ALDH1A3: variants seen among roughly 807,000 people sequenced by gnomAD.
ALDH1A3 encodes retinaldehyde dehydrogenase 3.
A neutral mutation model predicts 57.5 loss-of-function variants in ALDH1A3; 28 were observed. The ratio of observed to expected loss-of-function variants is 0.49; its 90% CI spans 0.36 to 0.67. The LOEUF is 0.67. ALDH1A3 is among the 30% of genes least tolerant of loss of function. The pLI is 0.00. For synonymous variants in ALDH1A3, 281 were observed against 264.8 expected, an observed-to-expected ratio of 1.06 and a Z score of -0.59; for missense variants, 507 against 669.4, an observed-to-expected ratio of 0.76 and a Z score of 2.68.
intron 8 of ALDH1A3, among the ~76,000 whole-genome samples, chr15:100,900,121 A>G (rs74584720): frequency 0.01 from 1,576 of 152,340 alleles, 94 homozygotes; most frequent in Admixed American, 0.083. Flanking sequence ...CACACATGAT[A>G]TTATCTTACT....
Position 100,889,793 on chromosome 15 carries a change from C to T in ALDH1A3, c.345+2081C>T, listed in dbSNP as rs2041631279. ...ATGCAAACCCAGCAAATCACTTCTG[C>T]CACTGGCACCTCGCAGCCCACGAGA... On this transcript the variant is annotated intron_variant, in intron 3 of 12. Transcript: ENST00000329841. The surrounding 1 kb of genome is among the most constrained non-coding windows in gnomAD (Gnocchi z 5.1). Among the ~76,000 whole-genome samples, 1 of 152,248 alleles carries T rather than the reference C, an allele frequency of 6.6e-6. No homozygotes were observed. The highest frequency in any genetic ancestry group is 2.1e-4 in the South Asian group (1 of 4,836).
At position 100,889,686 on chromosome 15, in the gene ALDH1A3, C is replaced by T. The variant is rs2041630124; in HGVS notation, c.345+1974C>T. On this transcript the variant is annotated intron_variant, in intron 3 of 12. Transcript: ENST00000329841. The surrounding 1 kb of genome is among the most constrained non-coding windows in gnomAD (Gnocchi z 5.1). ...AGTATCATCTTAGGAGCAGAGGCTA[C>T]AAAGCCACCTTCATCTTCAGGCTGC... is the stretch of plus-strand genomic sequence containing the variant. 6.6e-6 allele frequency among the ~76,000 whole-genome samples: 1 copy of T among 152,226 alleles called. No homozygotes were observed. Among genetic ancestry groups the T allele is most frequent in the African/African-American group, 2.4e-5 (1 of 41,450 alleles).
intron 3 of ALDH1A3, among the ~76,000 whole-genome samples, chr15:100,888,105 A>G (rs979706002): frequency 6.6e-6 from 1 of 151,344 alleles, no homozygotes; most frequent in African/African-American, 2.4e-5. Context: ...ATTTTATTTT[A>G]TTTATTTTTT....
Position 100,898,076 on chromosome 15 carries a change from C to G in ALDH1A3, c.781-7C>G. The G allele has an allele frequency of 6.2e-7, 1 of 1,613,206 alleles. No individual in the cohort carries two copies. The highest frequency in any genetic ancestry group is 1.1e-5 in the South Asian group (1 of 90,962). On this transcript the variant is annotated splice_polypyrimidine_tract_variant and splice_region_variant and intron_variant, in intron 7 of 12. Transcript: ENST00000329841. Reference sequence around the variant, plus strand: ...AGGTAAATTGTGATCTGTGTTCTGTCCTGGAGGTTGGAAAACTGGTTAAAG... The same window carrying G: ...AGGTAAATTGTGATCTGTGTTCTGTGCTGGAGGTTGGAAAACTGGTTAAAG...
intron 6 of ALDH1A3, chr15:100,895,559 C>G: frequency 4.3e-6 from 1 of 234,176 alleles, no homozygotes; most frequent in Non-Finnish European, 8.5e-6. Context: ...CTCCCCTTAA[C>G]GCATACACAC....
Position 100,905,627 on chromosome 15 carries a change from C to T in ALDH1A3, c.1173C>T (p.Leu391=). ...GCTCAGCCATGGAAGACAAGGGGCT[C>T]TTCATCAAACCCACTGTCTTCTCAG... ...CGGSAMEDKG[L]FIKPTVFSEV... Residue 391 remains leucine (L), a synonymous_variant, in exon 10 of 13, where the codon CTC becomes CTT. Coordinates refer to ENST00000329841, the MANE Select transcript of ALDH1A3 (RefSeq NM_000693.4). 6.2e-7 allele frequency: 1 copy of T among 1,612,192 alleles called. No individual in the cohort carries two copies. The highest frequency in any genetic ancestry group is 8.5e-7 in the Non-Finnish European group (1 of 1,179,038).
At position 100,908,533 on chromosome 15, in the gene ALDH1A3, C is replaced by T. The variant is rs145132174; in HGVS notation, c.1466+51C>T. The stretch of plus-strand genomic sequence containing the variant: ...TGCCGTGGGCTGAACACTAGATCCA[C>T]TAGATTTGCAGGCAGTGACACAGGC... On this transcript the variant is annotated intron_variant, in intron 12 of 12. Coordinates refer to ENST00000329841, the MANE Select transcript of ALDH1A3 (RefSeq NM_000693.4). 2,692 of 1,510,884 alleles carry T rather than the reference C, an allele frequency of 1.8e-3. 35 individuals carry two copies. In the African/African-American group the frequency reaches 0.031, roughly 17 times the overall value. The allele number at this position is 1,510,884 out of a possible 1,614,324, so 93.6% of individuals were successfully genotyped here.
At chr15:100,901,414 A>G (rs750368489) in intron 9 of ALDH1A3, among the ~76,000 whole-genome samples, 1 of 152,244 alleles carries the variant, frequency 6.6e-6, no homozygotes, top group African/African-American at 2.4e-5. Context: ...GGAGCTCAGC[A>G]GTCACTCACT....
In ALDH1A3 at chr15:100,915,553, G is replaced by A. The variant is rs1329709153; in HGVS notation, c.*780G>A. 6.6e-6 allele frequency: 1 copy of A among 152,204 alleles called. No individual in the cohort carries two copies. The highest frequency in any genetic ancestry group is 1.5e-5 in the Non-Finnish European group (1 of 68,034). The allele number at this position is 152,204 out of a possible 1,614,324, so 9.4% of individuals were successfully genotyped here. A position where few individuals can be genotyped will look rare whatever the true frequency, so the allele number is the denominator to read the frequency against. The stretch of plus-strand genomic sequence containing the variant: ...TGTTGAGGTTACCTTTGCTGCTAAA[G>A]ATCCAATCTTCTAACGCCACAACAG... On this transcript the variant is annotated 3_prime_UTR_variant, in exon 13 of 13. Transcript: ENST00000329841.
At chr15:100,907,015 G>T in intron 10 of ALDH1A3, 106 bp from the exon 11 acceptor site, 1 of 1,279,632 alleles carries the variant, frequency 7.8e-7, no homozygotes, top group Non-Finnish European at 1.1e-6. Context: ...AGGCATGTGT[G>T]TGCTCTGGGC....
intron 3 of ALDH1A3, among the ~76,000 whole-genome samples, chr15:100,890,700 T>G (rs1201142002): frequency 6.6e-6 from 1 of 152,210 alleles, no homozygotes; most frequent in Non-Finnish European, 1.5e-5. Context: ...GGCAGAATCT[T>G]GGCTCCATGT....
intron 1 of ALDH1A3, chr15:100,880,797 A>G (rs1395577239): frequency 6.6e-6 from 1 of 152,226 alleles, no homozygotes; most frequent in East Asian, 1.9e-4. Flanking sequence ...GGCAGAAAGG[A>G]ATAAAAGAAG....
chr15:100,885,400 G>A, intron 2 of ALDH1A3, 29 bp downstream of exon 2: 1 of 1,512,618 alleles, frequency 6.6e-7, no homozygotes, highest in East Asian at 2.3e-5. Flanking sequence ...TTTGCTCTAA[G>A]TAATTCAATT....
At chr15:100,907,339 C>A (rs1481047957) in intron 11 of ALDH1A3, 61 bp downstream of exon 11, 3 of 1,530,418 alleles carry the variant, frequency 2.0e-6, no homozygotes, top group Non-Finnish European at 1.8e-6. Context: ...GTTCATTATT[C>A]TTCTATTAAC....
rs900927739 is a variant in ALDH1A3 at position 100,894,764 on chromosome 15, G to A, written c.666+682G>A. Reference sequence around the variant, plus strand: ...GTCCACAGTTGCTTAGAAGCAAGGTGGGAACAGCTGGTGATGAGCCAATTT... The same window carrying A: ...GTCCACAGTTGCTTAGAAGCAAGGTAGGAACAGCTGGTGATGAGCCAATTT... On this transcript the variant is annotated intron_variant, in intron 6 of 12. Transcript: ENST00000329841. This position sits in a 1 kb window ranked among gnomAD's most constrained non-coding sequence, Gnocchi z 4.5. 2 of 152,300 alleles carry A rather than the reference G, an allele frequency of 1.3e-5. No individual in the cohort carries two copies. The highest frequency in any genetic ancestry group is 4.8e-5 in the African/African-American group (2 of 41,456). The allele number at this position is 152,300 out of a possible 1,614,324, so 9.4% of individuals were successfully genotyped here. A position where few individuals can be genotyped will look rare whatever the true frequency, so the allele number is the denominator to read the frequency against.
intron 3 of ALDH1A3, among the ~76,000 whole-genome samples, chr15:100,891,531 GGCCGTTA>G (rs1392749433): frequency 6.6e-6 from 1 of 152,256 alleles, no homozygotes; most frequent in Non-Finnish European, 1.5e-5. Flanking sequence ...CAAGTCACTG[GGCCGTTA>G]GCGTCCGTGC....
At chr15:100,902,534 A>G (rs575639432) in intron 9 of ALDH1A3, among the ~76,000 whole-genome samples, 1 of 152,326 alleles carries the variant, frequency 6.6e-6, no homozygotes, top group East Asian at 1.9e-4. Flanking sequence ...ATGCTCCAAA[A>G]TCATTCAGGT....
intron 3 of ALDH1A3, among the ~76,000 whole-genome samples, chr15:100,890,542 T>C (rs1449085951): frequency 6.6e-6 from 1 of 152,190 alleles, no homozygotes; most frequent in Non-Finnish European, 1.5e-5. Context: ...TAAAAACAAA[T>C]AGCAATGCTG....
At chr15:100,892,239 AG>A (rs2041657528) in intron 3 of ALDH1A3, 2 of 411,220 alleles carry the variant, frequency 4.9e-6, no homozygotes, top group Non-Finnish European at 8.6e-6. Flanking sequence ...CTGGCCTCCA[AG>A]GGGCCCTTCA....
Sources: gnomAD v4.1 joint callset for allele counts (sites outside exome capture counted in the v4.1 genomes callset) on GRCh38, gnomAD v4.1.1 for gene constraint, Gnocchi (gnomAD v3.1) non-coding constraint, MANE v1.5 for transcripts, NCBI Gene and HGNC (gene_info 2026-07-23, HGNC 2026-07-21) for gene names.